Variants in VPS13B observed in about 807,000 individuals in gnomAD.
VPS13B encodes vacuolar protein sorting 13 homolog B, also known as intermembrane lipid transfer protein VPS13B.
A neutral mutation model predicts 426.4 loss-of-function variants in VPS13B; 285 were observed. That is an observed-to-expected ratio of 0.67 (90% CI 0.61 to 0.74). The LOEUF is 0.74. VPS13B is among the 30% of genes least tolerant of loss of function. The pLI is 0.00. For missense variants in VPS13B, 4,537 were observed against 4,782.6 expected (o/e 0.95, Z 1.51); for synonymous variants, 1,676 against 1,676.4 (o/e 1.00, Z 0.01).
intron 19 of VPS13B, among the ~76,000 whole-genome samples, chr8:99,368,353 T>G (rs1813000002): frequency 6.6e-6 from 1 of 152,198 alleles, no homozygotes; most frequent in Non-Finnish European, 1.5e-5. Flanking sequence ...CAATGTTAGC[T>G]TATGTATTTT....
intron 33 of VPS13B, among the ~76,000 whole-genome samples, chr8:99,622,752 C>G (rs766500405): frequency 6.6e-5 from 10 of 152,184 alleles, no homozygotes; most frequent in Non-Finnish European, 1.3e-4. Flanking sequence ...ATACAACACC[C>G]TTTTCCAGTT....
intron 51 of VPS13B, among the ~76,000 whole-genome samples, chr8:99,828,395 T>TTTTG (rs1814837587): frequency 7.5e-5 from 2 of 26,688 alleles, no homozygotes; most frequent in Non-Finnish European, 1.5e-4. Context: ...ACAACCACCG[T>TTTTG]TTTTTTTTTT....
intron 43 of VPS13B, among the ~76,000 whole-genome samples, chr8:99,796,269 T>C (rs1812807143): frequency 6.6e-6 from 1 of 151,870 alleles, no homozygotes. Context: ...GCACTTTCAG[T>C]AGAGAGAGGG....
chr8:99,040,731 G>A (rs1842930865), intron 3 of VPS13B, among the ~76,000 whole-genome samples: 1 of 152,060 alleles, frequency 6.6e-6, no homozygotes, highest in African/African-American at 2.4e-5. Context: ...GGAATGGTAG[G>A]TTCAGTGAAG....
At chr8:99,724,683 G>A (rs1336589529) in intron 39 of VPS13B, among the ~76,000 whole-genome samples, 1 of 152,054 alleles carries the variant, frequency 6.6e-6, no homozygotes, top group Non-Finnish European at 1.5e-5. Flanking sequence ...CTCTTAATAA[G>A]GGCTTGTTTC....
intron 36 of VPS13B, among the ~76,000 whole-genome samples, chr8:99,705,453 A>G (rs1039318983): frequency 6.6e-6 from 1 of 152,100 alleles, no homozygotes; most frequent in African/African-American, 2.4e-5. Flanking sequence ...CCTTGCTGTA[A>G]CTGTTATATG....
At chr8:99,676,544 A>G (rs1278838768) in intron 35 of VPS13B, among the ~76,000 whole-genome samples, 8 of 151,618 alleles carry the variant, frequency 5.3e-5, no homozygotes, top group Admixed American at 3.9e-4. Context: ...CCCCAAGCAG[A>G]CGGTGTCTCT....
intron 35 of VPS13B, among the ~76,000 whole-genome samples, chr8:99,678,604 G>A (rs182606623): frequency 6.6e-6 from 1 of 151,784 alleles, no homozygotes; most frequent in African/African-American, 2.4e-5. Flanking sequence ...TTTGCAAGAG[G>A]TTTTGTATTG....
At chr8:99,375,745 A>G (rs1813449094) in intron 19 of VPS13B, among the ~76,000 whole-genome samples, 1 of 152,256 alleles carries the variant, frequency 6.6e-6, no homozygotes, top group Non-Finnish European at 1.5e-5. Context: ...AGAGTAGCAC[A>G]TAATTTCTTA....
At chr8:99,785,326 C>G (rs183879622) in intron 43 of VPS13B, among the ~76,000 whole-genome samples, 3 of 152,280 alleles carry the variant, frequency 2.0e-5, no homozygotes, top group Admixed American at 1.3e-4. Flanking sequence ...GTTTTCCCAT[C>G]TGGTCTCTAG....
Position 99,642,236 on chromosome 8 carries a change from T to A in VPS13B, c.5646T>A (p.Phe1882Leu), listed in dbSNP as rs1192393421. 1 of 1,614,010 alleles carries A rather than the reference T, an allele frequency of 6.2e-7. No homozygotes were observed. The highest frequency in any genetic ancestry group is 8.5e-7 in the Non-Finnish European group (1 of 1,180,006). Residue 1882 changes from phenylalanine (F) to leucine (L), a missense_variant, in exon 34 of 62, where the codon TTT becomes TTA. Around this residue, in one of 2 missense-constraint regions of VPS13B, gnomAD observed 4,311 missense variants for 4,474.3 expected, o/e 0.96. Transcript: ENST00000357162. ...ATCTCTTAAGGAGCAGCATTTCTTT[T>A]CCTTCAGGGAAAAAAATAGGGGTCC... ...AEDLLRSSIS[F>L]PSGKKIGVLS...
intron 60 of VPS13B, 30 bp from the exon 61 acceptor site, chr8:99,871,418 C>T (rs1331529352): frequency 6.2e-7 from 1 of 1,613,804 alleles, no homozygotes; most frequent in African/African-American, 1.3e-5. Flanking sequence ...CACAGCTGGC[C>T]CCTGGCCTCA....
At chr8:99,372,249 C>CAA (rs34602174) in intron 19 of VPS13B, among the ~76,000 whole-genome samples, 28 of 84,598 alleles carry the variant, frequency 3.3e-4, no homozygotes, top group African/African-American at 7.3e-4. Flanking sequence ...GACTCCGTCT[C>CAA]AAAAAAAAAA....
intron 39 of VPS13B, among the ~76,000 whole-genome samples, chr8:99,737,706 A>G (rs1231783746): frequency 2.0e-5 from 3 of 152,270 alleles, no homozygotes; most frequent in Non-Finnish European, 2.9e-5. Flanking sequence ...AGTTATACAA[A>G]TAAGTAATTA....
At chr8:99,613,506 T>C (rs976598111) in intron 33 of VPS13B, among the ~76,000 whole-genome samples, 1 of 152,226 alleles carries the variant, frequency 6.6e-6, no homozygotes, top group Non-Finnish European at 1.5e-5. Flanking sequence ...TACTTCCCTG[T>C]GTATATGAAA....
chr8:99,581,534 C>T (rs1386821232), intron 33 of VPS13B, among the ~76,000 whole-genome samples: 13 of 152,074 alleles, frequency 8.5e-5, no homozygotes, highest in Admixed American at 8.5e-4. Flanking sequence ...TTTTCACTGT[C>T]CCCTTCAAGT....
chr8:99,832,612 G>T lies in VPS13B; in HGVS notation c.9574G>T (p.Val3192Leu). ...RPEFPRQSVA[V>L]PLGNFRENGF... ...AGAGTTTCCCAGACAGAGTGTGGCAGTACCCCTCGGGAATTTCCGGGAAAA... is the reference window on the plus strand; with the variant it reads ...AGAGTTTCCCAGACAGAGTGTGGCATTACCCCTCGGGAATTTCCGGGAAAA... Residue 3192 changes from valine (V) to leucine (L), a missense_variant, in exon 52 of 62, where the codon GTA becomes TTA. Around this residue, in one of 2 missense-constraint regions of VPS13B, gnomAD observed 4,311 missense variants for 4,474.3 expected, o/e 0.96. Transcript: ENST00000357162. The T allele has an allele frequency of 1.2e-6, 2 of 1,613,898 alleles. No individual in the cohort carries two copies. Among genetic ancestry groups the T allele is most frequent in the Non-Finnish European group, 1.7e-6 (2 of 1,180,016 alleles).
chr8:99,274,443 A>T, intron 18 of VPS13B, 111 bp downstream of exon 18: 1 of 1,533,484 alleles, frequency 6.5e-7, no homozygotes, highest in South Asian at 1.2e-5. Flanking sequence ...GCTATGAATC[A>T]GACGTTTTAA....
rs1010476072 is a variant in VPS13B at position 99,555,217 on chromosome 8, C to T, written c.4746-1233C>T. Among the ~76,000 whole-genome samples the T allele has an allele frequency of 2.6e-5, 4 of 152,224 alleles. No homozygotes were observed. In the East Asian group the frequency reaches 5.8e-4, roughly 22 times the overall value. Reference sequence around the variant, plus strand: ...GTCCTGAGCAGCTGGCCCAGACACCCGTTGTCTTGAGTCTGAGCAGTCATT... The same window carrying T: ...GTCCTGAGCAGCTGGCCCAGACACCTGTTGTCTTGAGTCTGAGCAGTCATT... On this transcript the variant is annotated intron_variant, in intron 30 of 61. Transcript: ENST00000357162.
Sources: allele counts gnomAD v4.1 joint callset (sites outside exome capture counted in the v4.1 genomes callset), GRCh38; gene constraint gnomAD v4.1.1; regional missense constraint gnomAD v4.1.1; transcripts MANE v1.5; gene names NCBI Gene and HGNC (gene_info 2026-07-23, HGNC 2026-07-21).